Variants in PRSS50 observed in about 807,000 individuals in gnomAD.
The protein encoded by PRSS50 is serine protease 50, also known as probable threonine protease PRSS50.
A neutral mutation model predicts 34.2 loss-of-function variants in PRSS50; 23 were observed. The ratio of observed to expected loss-of-function variants is 0.67; its 90% CI spans 0.48 to 0.95. The LOEUF is 0.95. Among genes scored for constraint, PRSS50 ranks in the 40% least tolerant of loss-of-function variants. The probability of loss-of-function intolerance (pLI) is 0.00; values close to 1 mark genes in which losing one functional copy is unlikely to be tolerated. For missense variants in PRSS50, 484 were observed against 513.4 expected (o/e 0.94, Z 0.55); for synonymous variants, 224 against 211.2 (o/e 1.06, Z -0.53).
Position 46,713,027 on chromosome 3 carries a change from G to C in PRSS50, c.795C>G (p.Val265=), listed in dbSNP as rs1279573172. ...CACACTCTTTGTTGTTCAGGATGAT[G>C]ACTTCCTTCTCCTGAATGGTCCGGA... The part of the protein sequence containing the change: ...PQFRTIQEKE[V]IILNNKECDN... The change falls in exon 5 of 6, where the codon GTC becomes GTG. Residue 265 remains valine (V), a synonymous_variant. Coordinates refer to ENST00000315170, the MANE Select transcript of PRSS50 (RefSeq NM_013270.5). The C allele has an allele frequency of 1.2e-6, 2 of 1,614,180 alleles. No homozygotes were observed. The highest frequency in any genetic ancestry group is 1.7e-6 in the Non-Finnish European group (2 of 1,180,034).
rs760899643 is a variant in PRSS50 at position 46,714,386 on chromosome 3, G to T, written c.586C>A (p.Arg196=). Residue 196 remains arginine, a synonymous_variant, in exon 4 of 6, where the codon CGG becomes AGG. Transcript: ENST00000315170. ...VIMHSRYRAQ[R]FWSWVGQAND... is the part of the protein sequence containing the mutation. ...GCCTGGCCCACCCAGGACCAGAACC[G>T]CTGGGCCCGGTACCTGCTATGCATG... The T allele has an allele frequency of 1.9e-6, 3 of 1,613,516 alleles. No individual in the cohort carries two copies. The highest frequency in any genetic ancestry group is 1.7e-6 in the Non-Finnish European group (2 of 1,179,866).
rs201980893 is a variant in PRSS50 at position 46,712,496 on chromosome 3, T to C, written c.922-14A>G. ...TCCAGTTAGCTCCTGTGGGAAGGGT[T>C]GGGGGAGTAAGGGTCAGGGAGGCCA... On this transcript the variant is annotated splice_polypyrimidine_tract_variant and intron_variant, in intron 5 of 5. Transcript: ENST00000315170. The C allele has an allele frequency of 6.2e-7, 1 of 1,613,082 alleles. No homozygotes were observed.
rs917592805 is a variant in PRSS50 at position 46,715,188 on chromosome 3, T to G, written c.470+347A>C. On this transcript the variant is annotated intron_variant, in intron 3 of 5. Coordinates refer to ENST00000315170, the MANE Select transcript of PRSS50 (RefSeq NM_013270.5). The surrounding 1 kb of genome is among the most constrained non-coding windows in gnomAD (Gnocchi z 5.2). ...CAAAGAAGTGTCAGAGACGGTTGAT[T>G]GAAGGGAGGAACAAGGATGTGGGTG... Among the ~76,000 whole-genome samples the G allele has an allele frequency of 3.3e-5, 5 of 152,092 alleles. No homozygotes were observed. Among genetic ancestry groups the G allele is most frequent in the African/African-American group, 1.2e-4 (5 of 41,416 alleles).
chr3:46,714,276 A>G lies in PRSS50; in HGVS notation c.696T>C (p.Tyr232=), dbSNP rs1364779356. Residue 232 remains tyrosine (Y), a synonymous_variant, in exon 4 of 6, where the codon TAT becomes TAC. Coordinates refer to ENST00000315170, the MANE Select transcript of PRSS50 (RefSeq NM_013270.5). ...TGCAGCGGGAATGGTCCTTCAACAC[A>G]TAGTCCGTGCCAGGCAGGCAGATGG... The part of the protein sequence containing the change: ...VRPICLPGTD[Y]VLKDHSRCTV... 7 of 1,613,978 alleles carry G rather than the reference A, an allele frequency of 4.3e-6. No individual in the cohort carries two copies. The highest frequency in any genetic ancestry group is 2.7e-5 in the African/African-American group (2 of 74,900).
In PRSS50 at chr3:46,716,493, AC is replaced by A. The variant is rs1700685742; in HGVS notation, c.308-797del. On this transcript the variant is annotated intron_variant, in intron 2 of 5. Transcript: ENST00000315170. This position sits in a 1 kb window ranked among gnomAD's most constrained non-coding sequence, Gnocchi z 4.4. ...TGCCCAGGCAGGTCTCAAACTCCTG[AC>A]CTCAAGTGATCTTACTGCCTCAGCC... Among the ~76,000 whole-genome samples, 1 of 152,156 alleles carries A rather than the reference AC, an allele frequency of 6.6e-6. No individual in the cohort carries two copies. The highest frequency in any genetic ancestry group is 2.4e-5 in the African/African-American group (1 of 41,408).
rs756279129 is a variant in PRSS50 at position 46,715,654 on chromosome 3, T to G, written c.351A>C (p.Pro117=). 5 of 1,611,498 alleles carry G rather than the reference T, an allele frequency of 3.1e-6. No homozygotes were observed. The South Asian group carries it at 5.5e-5, about 18-fold the overall frequency. The change falls in exon 3 of 6, where the codon CCA becomes CCC. Residue 117 remains proline, a synonymous_variant. Coordinates refer to ENST00000315170, the MANE Select transcript of PRSS50 (RefSeq NM_013270.5). The surrounding 1 kb of genome is among the most constrained non-coding windows in gnomAD (Gnocchi z 5.2). ...SYEQDPTLRD[P]EAVARRWPWM... is the part of the protein sequence containing the mutation. ...AGGGCCACCGCCGAGCCACGGCTTC[T>G]GGGTCCCTGAGGGTGGGGTCCTGCT...
rs1400751470 is a variant in PRSS50 at position 46,712,381 on chromosome 3, G to A, written c.1023C>T (p.Pro341=). 6.2e-7 allele frequency: 1 copy of A among 1,614,020 alleles called. No individual in the cohort carries two copies. Among genetic ancestry groups the A allele is most frequent in the Non-Finnish European group, 8.5e-7 (1 of 1,179,984 alleles). ...GAGCQKSEAP[P]IYLQVSSYQH... ...GGTAGGAGGAGACCTGTAGGTAGAT[G>A]GGTGGGGCCTCGCTCTTCTGGCAGC... The change falls in exon 6 of 6, where the codon CCC becomes CCT. Residue 341 remains proline, a synonymous_variant. Transcript: ENST00000315170.
rs139823108 is a variant in PRSS50 at position 46,714,283 on chromosome 3, G to A, written c.689C>T (p.Thr230Met). ...GGAATGGTCCTTCAACACATAGTCCGTGCCAGGCAGGCAGATGGGCCGCAC... is the reference window on the plus strand; with the variant it reads ...GGAATGGTCCTTCAACACATAGTCCATGCCAGGCAGGCAGATGGGCCGCAC... The part of the protein sequence containing the change: ...NYVRPICLPG[T>M]DYVLKDHSRC... The change falls in exon 4 of 6, where the codon ACG becomes ATG. Residue 230 changes from threonine (T) to methionine (M), a missense_variant. Thr to Met is a moderately conservative substitution (Grantham distance 81, BLOSUM62 -1). Coordinates refer to ENST00000315170, the MANE Select transcript of PRSS50 (RefSeq NM_013270.5). The A allele has an allele frequency of 1.9e-4, 311 of 1,614,148 alleles. 1 individual carries two copies. In the East Asian group the frequency reaches 3.2e-3, roughly 16 times the overall value.
rs1341047040 is a variant in PRSS50, at chr3:46,716,936, C to T, written c.307+501G>A. On this transcript the variant is annotated intron_variant, in intron 2 of 5. Transcript: ENST00000315170. This position sits in a 1 kb window ranked among gnomAD's most constrained non-coding sequence, Gnocchi z 4.4. Reference sequence around the variant, plus strand: ...CAGTTAAATGCTATGTGCTGAGTCCCAGTCTTATGTGGGTCTGTTAAACAT... The same window carrying T: ...CAGTTAAATGCTATGTGCTGAGTCCTAGTCTTATGTGGGTCTGTTAAACAT... Among the ~76,000 whole-genome samples the T allele has an allele frequency of 6.6e-6, 1 of 152,176 alleles. No individual in the cohort carries two copies. The highest frequency in any genetic ancestry group is 6.5e-5 in the Admixed American group (1 of 15,282).
At position 46,712,210 on chromosome 3, in the gene PRSS50, CAAGGGGGGCCCACAAGT is replaced by C. The variant is rs1250792440; in HGVS notation, c.*19_*35del. 5.8e-6 allele frequency: 9 copies of C among 1,557,090 alleles called. No homozygotes were observed. In the Admixed American group the frequency reaches 1.1e-4, roughly 19 times the overall value. ...ACCCACAGCAACCTGGGCACGGAGG[CAAGGGGGGCCCACAAGT>C]GAGGGAGGGCACACAGAGTCAGAGG... On this transcript the variant is annotated 3_prime_UTR_variant, in exon 6 of 6. Coordinates refer to ENST00000315170, the MANE Select transcript of PRSS50 (RefSeq NM_013270.5).
intron 4 of PRSS50, 31 bp downstream of exon 4, chr3:46,714,186 AC>A (rs1559498525): frequency 1.2e-6 from 2 of 1,601,190 alleles, no homozygotes; most frequent in East Asian, 2.2e-5. Flanking sequence ...TTCTCACAGC[AC>A]CCGCCCTGGT....
At position 46,712,884 on chromosome 3, in the gene PRSS50, G is replaced by A. The variant is rs748662410; in HGVS notation, c.921+17C>T. On this transcript the variant is annotated intron_variant, in intron 5 of 5. Coordinates refer to ENST00000315170, the MANE Select transcript of PRSS50 (RefSeq NM_013270.5). Reference sequence around the variant, plus strand: ...CAGGTGCCCCTGAAGGGGAGTGAGCGAGGAGAGGCCGCTCACATAGCAGAA... The same window carrying A: ...CAGGTGCCCCTGAAGGGGAGTGAGCAAGGAGAGGCCGCTCACATAGCAGAA... The A allele has an allele frequency of 2.9e-5, 47 of 1,612,590 alleles. No individual in the cohort carries two copies. The highest frequency in any genetic ancestry group is 4.0e-5 in the African/African-American group (3 of 74,792).
rs569238361 is a variant in PRSS50 at position 46,717,024 on chromosome 3, C to T, written c.307+413G>A. On this transcript the variant is annotated intron_variant, in intron 2 of 5. Coordinates refer to ENST00000315170, the MANE Select transcript of PRSS50 (RefSeq NM_013270.5). The surrounding 1 kb of genome is among the most constrained non-coding windows in gnomAD (Gnocchi z 4.5). ...GCACCCTGGAGACACCACAGGAAGG[C>T]TCACACAGCCTGGCCCTGAAAGCTG... is the stretch of plus-strand genomic sequence containing the variant. Among the ~76,000 whole-genome samples the T allele has an allele frequency of 5.3e-5, 8 of 152,360 alleles. No homozygotes were observed. In the South Asian group the frequency reaches 1.4e-3, roughly 28 times the overall value.
rs764826292 is a variant in PRSS50 at position 46,714,400 on chromosome 3, C to T, written c.572G>A (p.Arg191Lys). The T allele has an allele frequency of 3.7e-6, 6 of 1,613,378 alleles. No homozygotes were observed. In the African/African-American group the frequency reaches 4.0e-5, roughly 11 times the overall value. The change falls in exon 4 of 6, where the codon AGG (arginine) becomes AAG (lysine). Residue 191 changes from arginine to lysine, a missense_variant. Physicochemically the swap from Arg to Lys is conservative, Grantham distance 26. Coordinates refer to ENST00000315170, the MANE Select transcript of PRSS50 (RefSeq NM_013270.5). ...VPVLQVIMHS[R>K]YRAQRFWSWV... Reference sequence around the variant, plus strand: ...GGACCAGAACCGCTGGGCCCGGTACCTGCTATGCATGATGACCTGGAGCAC... The same window carrying T: ...GGACCAGAACCGCTGGGCCCGGTACTTGCTATGCATGATGACCTGGAGCAC...
chr3:46,714,432 A>G lies in PRSS50; in HGVS notation c.540T>C (p.Asp180=). The change falls in exon 4 of 6, where the codon GAT becomes GAC. Residue 180 remains aspartate, a synonymous_variant. Transcript: ENST00000315170. ...WIDQMTQTAS[D]VPVLQVIMHS... ...GCATGATGACCTGGAGCACCGGGAC[A>G]TCGGAGGCGGTCTGCGTCATCTGGT... is the stretch of plus-strand genomic sequence containing the variant. 6.2e-7 allele frequency: 1 copy of G among 1,611,826 alleles called. No individual in the cohort carries two copies. The highest frequency in any genetic ancestry group is 8.5e-7 in the Non-Finnish European group (1 of 1,179,092).
At chr3:46,714,139 C>A in intron 4 of PRSS50, 79 bp downstream of exon 4, 2 of 1,522,150 alleles carry the variant, frequency 1.3e-6, no homozygotes, top group Non-Finnish European at 1.8e-6. Context: ...TCAGAAACAT[C>A]CATCTGTGGT....
rs376373385 is a variant in PRSS50 at position 46,717,704 on chromosome 3, T to C, written c.106+15A>G. On this transcript the variant is annotated intron_variant, in intron 1 of 5. Coordinates refer to ENST00000315170, the MANE Select transcript of PRSS50 (RefSeq NM_013270.5). The surrounding 1 kb of genome is among the most constrained non-coding windows in gnomAD (Gnocchi z 4.5). ...CCGCGTCAGGCGGGTGGGGTAGGGA[T>C]CGGGAGGGACTCACCTGCAGACCTC... is the stretch of plus-strand genomic sequence containing the variant. The C allele has an allele frequency of 6.3e-7, 1 of 1,597,414 alleles. No homozygotes were observed. The highest frequency in any genetic ancestry group is 8.5e-7 in the Non-Finnish European group (1 of 1,172,502).
At chr3:46,714,009 C>T (rs1325249441) in intron 4 of PRSS50, among the ~76,000 whole-genome samples, 1 of 152,218 alleles carries the variant, frequency 6.6e-6, no homozygotes, top group East Asian at 1.9e-4. Flanking sequence ...CAATCAGGGT[C>T]CCCTGAGGCT....
Position 46,712,273 on chromosome 3 carries a change from C to T in PRSS50, c.1131G>A (p.Leu377=). The T allele has an allele frequency of 1.2e-6, 2 of 1,611,214 alleles. No individual in the cohort carries two copies. The highest frequency in any genetic ancestry group is 1.7e-6 in the Non-Finnish European group (2 of 1,178,852). ...PSRTLLLALP[L]PLSLLAAL ...AGAGGGCAGCAAGGAGGCTGAGGGGCAGTGGGAGTGCCAGGAGCAGGGTCC... is the reference window on the plus strand; with the variant it reads ...AGAGGGCAGCAAGGAGGCTGAGGGGTAGTGGGAGTGCCAGGAGCAGGGTCC... The change falls in exon 6 of 6, where the codon CTG becomes CTA. Residue 377 remains leucine, a synonymous_variant. Coordinates refer to ENST00000315170, the MANE Select transcript of PRSS50 (RefSeq NM_013270.5).
Sources: gnomAD v4.1 joint callset for allele counts (sites outside exome capture counted in the v4.1 genomes callset) on GRCh38, gnomAD v4.1.1 for gene constraint, Gnocchi (gnomAD v3.1) non-coding constraint, MANE v1.5 for transcripts, NCBI Gene and HGNC (gene_info 2026-07-23, HGNC 2026-07-21) for gene names.